CNTNAP1: variants seen among roughly 807,000 people sequenced by gnomAD.
CNTNAP1 encodes contactin associated protein 1.
In CNTNAP1, 80 loss-of-function variants were observed where a neutral mutation model predicts 161.5. The ratio of observed to expected loss-of-function variants is 0.50; its 90% CI spans 0.41 to 0.60. CNTNAP1 has a LOEUF of 0.60. CNTNAP1 is among the 20% of genes least tolerant of loss of function. CNTNAP1 has a pLI of 0.00. For missense variants in CNTNAP1, 1,464 were observed against 1,854.8 expected (o/e 0.79, Z 3.87); for synonymous variants, 695 against 733.1 (o/e 0.95, Z 0.84).
Position 42,685,550 on chromosome 17 carries a change from C to T in CNTNAP1, c.715+130C>T, listed in dbSNP as rs901374464. The T allele has an allele frequency of 4.4e-5, 38 of 854,002 alleles. No individual in the cohort carries two copies. Among genetic ancestry groups the T allele is most frequent in the Non-Finnish European group, 6.4e-5 (36 of 561,726 alleles). 52.9% of individuals were successfully genotyped at this position (854,002 alleles called of 1,614,324 possible). A position where few individuals can be genotyped will look rare whatever the true frequency, so the allele number is the denominator to read the frequency against. ...CTTCTCTAAGGCCTGGACCAAACTG[C>T]CCCTTTCTTGTAGCATTTGGTGCTA... On this transcript the variant is annotated intron_variant, in intron 5 of 23. Coordinates refer to ENST00000264638, the MANE Select transcript of CNTNAP1 (RefSeq NM_003632.3). The surrounding 1 kb of genome is among the most constrained non-coding windows in gnomAD (Gnocchi z 5.0).
chr17:42,683,754 GT>G, intron 1 of CNTNAP1, 66 bp from the exon 2 acceptor site: 1 of 1,550,074 alleles, frequency 6.5e-7, no homozygotes, highest in Non-Finnish European at 8.7e-7. Flanking sequence ...CGGTCGCTAA[GT>G]GGGCCGGCCT....
chr17:42,683,452 G>T (rs1597802664), intron 1 of CNTNAP1: 3 of 1,111,954 alleles, frequency 2.7e-6, no homozygotes, highest in Non-Finnish European at 3.3e-6. Context: ...GGGCCGAGTT[G>T]GATTGAGGCT....
At chr17:42,683,577 G>T in intron 1 of CNTNAP1, 1 of 1,378,236 alleles carries the variant, frequency 7.3e-7, no homozygotes, top group South Asian at 1.7e-5. Flanking sequence ...AGCTAGGGAG[G>T]GTCTGGCCTT....
At position 42,692,575 on chromosome 17, in the gene CNTNAP1, G is replaced by A. The variant is rs1287398765; in HGVS notation, c.2607G>A (p.Glu869=). The change falls in exon 17 of 24, where the codon GAG becomes GAA. Residue 869 remains glutamate (E), a synonymous_variant. Coordinates refer to ENST00000264638, the MANE Select transcript of CNTNAP1 (RefSeq NM_003632.3). ...ENLTVHSDDF[E]FNDDEWHLVR... is the part of the protein sequence containing the mutation. ...TCACAGTACACTCAGACGACTTTGAGTTCAATGATGACGAGTGGCACCTGG... is the reference window on the plus strand; with the variant it reads ...TCACAGTACACTCAGACGACTTTGAATTCAATGATGACGAGTGGCACCTGG... 1 of 1,614,102 alleles carries A rather than the reference G, an allele frequency of 6.2e-7. No homozygotes were observed. The highest frequency in any genetic ancestry group is 8.5e-7 in the Non-Finnish European group (1 of 1,180,052).
Position 42,693,541 on chromosome 17 carries a change from G to T in CNTNAP1, c.2992+5G>T. On this transcript the variant is annotated splice_donor_5th_base_variant and intron_variant, in intron 18 of 23. Coordinates refer to ENST00000264638, the MANE Select transcript of CNTNAP1 (RefSeq NM_003632.3). ...ATGGGCCATACTGCAACCACGGTAA[G>T]TGCTGCTGGTTATGGGGCAACAGGG... The T allele has an allele frequency of 1.2e-6, 2 of 1,611,042 alleles. No individual in the cohort carries two copies. The highest frequency in any genetic ancestry group is 8.5e-7 in the Non-Finnish European group (1 of 1,177,318).
chr17:42,696,786 G>A (rs2053157899), intron 20 of CNTNAP1, among the ~76,000 whole-genome samples: 1 of 152,158 alleles, frequency 6.6e-6, no homozygotes, highest in South Asian at 2.1e-4. Context: ...AGGCCTAGGC[G>A]ACAGAGTGAG....
chr17:42,688,302 G>T (rs2053043746), intron 8 of CNTNAP1, among the ~76,000 whole-genome samples, 160 bp from the exon 9 acceptor site: 1 of 152,172 alleles, frequency 6.6e-6, no homozygotes, highest in African/African-American at 2.4e-5. Flanking sequence ...GGATAATGAA[G>T]AGACATTCAG....
At chr17:42,694,887 A>C (rs2053133870) in intron 18 of CNTNAP1, among the ~76,000 whole-genome samples, 1 of 151,990 alleles carries the variant, frequency 6.6e-6, no homozygotes, top group African/African-American at 2.4e-5. Flanking sequence ...GTGGGGGACT[A>C]GGGAGATACA....
Position 42,686,913 on chromosome 17 carries a change from G to C in CNTNAP1, c.911G>C (p.Gly304Ala). 6.2e-7 allele frequency: 1 copy of C among 1,606,790 alleles called. No homozygotes were observed. The highest frequency in any genetic ancestry group is 8.5e-7 in the Non-Finnish European group (1 of 1,174,408). Residue 304 changes from glycine (G) to alanine (A), a missense_variant, in exon 7 of 24, where the codon GGA (glycine) becomes GCA (alanine). By Grantham distance (60) the Gly-to-Ala change is moderately conservative. Transcript: ENST00000264638. The part of the protein sequence containing the change: ...RLNLDTEMFI[G>A]GLVGAARKNL... ...CCACGCCTCCCGCAGATGTTCATCG[G>C]AGGTCTGGTGGGCGCCGCGCGGAAG...
Position 42,693,403 on chromosome 17 carries a change from C to T in CNTNAP1, c.2859C>T (p.Thr953=), listed in dbSNP as rs775715624. The T allele has an allele frequency of 1.2e-6, 2 of 1,614,216 alleles. No homozygotes were observed. Among genetic ancestry groups the T allele is most frequent in the Non-Finnish European group, 1.7e-6 (2 of 1,180,040 alleles). ...GCCGTGCCAATGCCTCTGAGGGTAC[C>T]TCACCCAACTGCACAGGCCACTGTG... ...LEGRANASEG[T]SPNCTGHCAH... is the part of the protein sequence containing the mutation. Residue 953 remains threonine, a synonymous_variant, in exon 18 of 24, where the codon ACC becomes ACT. Coordinates refer to ENST00000264638, the MANE Select transcript of CNTNAP1 (RefSeq NM_003632.3).
rs1356694509 is a variant in CNTNAP1, at chr17:42,690,144, T to C, written c.1792T>C (p.Phe598Leu). ...GCTCAGTGGGAAAACTTCTGGAAAC[T>C]TCACCATTGATCCTGATGGCAGTGG... ...YRLSGKTSGNFTIDPDGSGPL... is the reference protein window; with the variant it reads ...YRLSGKTSGNLTIDPDGSGPL... Residue 598 changes from phenylalanine to leucine, a missense_variant, in exon 12 of 24, where the codon TTC (phenylalanine) becomes CTC (leucine). Phe to Leu is a conservative substitution (Grantham distance 22, BLOSUM62 0). Around this residue, in one of 3 missense-constraint regions of CNTNAP1, gnomAD observed 1,383 missense variants for 1,765.0 expected, o/e 0.78. Transcript: ENST00000264638. The C allele has an allele frequency of 2.5e-6, 4 of 1,614,084 alleles. No individual in the cohort carries two copies. The South Asian group carries it at 4.4e-5, about 18-fold the overall frequency.
Position 42,692,557 on chromosome 17 carries a change from A to G in CNTNAP1, c.2589A>G (p.Val863=), listed in dbSNP as rs773995012. The G allele has an allele frequency of 1.2e-6, 2 of 1,614,092 alleles. No homozygotes were observed. Among genetic ancestry groups the G allele is most frequent in the Non-Finnish European group, 1.7e-6 (2 of 1,180,048 alleles). The part of the protein sequence containing the change: ...DVGNGDENLT[V]HSDDFEFNDD... ...GGAATGGGGATGAGAACCTCACAGT[A>G]CACTCAGACGACTTTGAGTTCAATG... Residue 863 remains valine (V), a synonymous_variant, in exon 17 of 24, where the codon GTA becomes GTG. Coordinates refer to ENST00000264638, the MANE Select transcript of CNTNAP1 (RefSeq NM_003632.3).
At position 42,690,885 on chromosome 17, in the gene CNTNAP1, C is replaced by A. The variant is rs766626800; in HGVS notation, c.2002C>A (p.His668Asn). 4 of 1,614,250 alleles carry A rather than the reference C, an allele frequency of 2.5e-6. No individual in the cohort carries two copies. In the South Asian group the frequency reaches 4.4e-5, roughly 18 times the overall value. Residue 668 changes from histidine (H) to asparagine (N), a missense_variant, in exon 13 of 24, where the codon CAT (histidine) becomes AAT (asparagine). His to Asn is a moderately conservative substitution (Grantham distance 68, BLOSUM62 1). Transcript: ENST00000264638. ...CAGTGCCCTTGCCAATGCTTCCCAGCATTGTGAACAGTGGATCGAGTTCTC... is the reference window on the plus strand; with the variant it reads ...CAGTGCCCTTGCCAATGCTTCCCAGAATTGTGAACAGTGGATCGAGTTCTC... ...EVSALANASQ[H>N]CEQWIEFSCY...
At position 42,698,532 on chromosome 17, in the gene CNTNAP1, TGC is replaced by T. The variant is rs1217648281; in HGVS notation, c.3863-84_3863-83del. 3.9e-5 allele frequency: 43 copies of T among 1,100,140 alleles called. No individual in the cohort carries two copies. The South Asian group carries it at 4.6e-4, about 12-fold the overall frequency. 68.1% of individuals were successfully genotyped at this position (1,100,140 alleles called of 1,614,324 possible). On this transcript the variant is annotated intron_variant, in intron 23 of 23. Coordinates refer to ENST00000264638, the MANE Select transcript of CNTNAP1 (RefSeq NM_003632.3). ...TGTATACAGGTGAAATCTCAAAGAG[TGC>T]GTGTGTGTGTGTGTGTGTGTGTGTG...
intron 23 of CNTNAP1, among the ~76,000 whole-genome samples, chr17:42,698,340 G>A (rs913579476): frequency 2.0e-5 from 3 of 152,150 alleles, no homozygotes; most frequent in African/African-American, 7.2e-5. Flanking sequence ...ACAGAAGGTG[G>A]CAGGGGGTAA....
intron 12 of CNTNAP1, 30 bp from the exon 13 acceptor site, chr17:42,690,709 G>A (rs760349645): frequency 2.5e-6 from 4 of 1,604,100 alleles, no homozygotes; most frequent in African/African-American, 2.7e-5. Context: ...CCCAACTCCA[G>A]CCAAAGCTCT....
rs781303588 is a variant in CNTNAP1, at chr17:42,691,977, G to A, written c.2516G>A (p.Arg839Gln). 8 of 1,614,036 alleles carry A rather than the reference G, an allele frequency of 5.0e-6. No individual in the cohort carries two copies. Among genetic ancestry groups the A allele is most frequent in the South Asian group, 2.2e-5 (2 of 91,080 alleles). ...PYCQWRRPYV[R>Q]VELNTSRDVV... is the part of the protein sequence containing the mutation. Reference sequence around the variant, plus strand: ...TGCCAGTGGCGCCGACCTTATGTGCGGGTGGAACTCAACAGTGAGCAGGCA... The same window carrying A: ...TGCCAGTGGCGCCGACCTTATGTGCAGGTGGAACTCAACAGTGAGCAGGCA... Residue 839 changes from arginine to glutamine, a missense_variant, in exon 16 of 24, where the codon CGG (arginine) becomes CAG (glutamine). Arg to Gln is a conservative substitution (Grantham distance 43, BLOSUM62 1). Around this residue, in one of 3 missense-constraint regions of CNTNAP1, gnomAD observed 1,383 missense variants for 1,765.0 expected, o/e 0.78. Transcript: ENST00000264638. The surrounding 1 kb of genome is among the most constrained non-coding windows in gnomAD (Gnocchi z 4.3).
intron 18 of CNTNAP1, 69 bp downstream of exon 18, chr17:42,693,605 G>A: frequency 1.3e-6 from 2 of 1,574,132 alleles, no homozygotes; most frequent in Admixed American, 3.5e-5. Flanking sequence ...GGGCAGGGAA[G>A]GAAATAGCAT....
Position 42,691,612 on chromosome 17 carries a change from C to T in CNTNAP1, c.2344+101C>T, listed in dbSNP as rs1031699147. 3 of 1,508,242 alleles carry T rather than the reference C, an allele frequency of 2.0e-6. No homozygotes were observed. The highest frequency in any genetic ancestry group is 2.7e-6 in the Non-Finnish European group (3 of 1,105,200). The allele number at this position is 1,508,242 out of a possible 1,614,324, so 93.4% of individuals were successfully genotyped here. ...GGTGGTCTCTAGCTGGGGTGCCCGA[C>T]CCCCAGCTCCTGCTGTGATGCGATC... On this transcript the variant is annotated intron_variant, in intron 15 of 23. Coordinates refer to ENST00000264638, the MANE Select transcript of CNTNAP1 (RefSeq NM_003632.3). This position sits in a 1 kb window ranked among gnomAD's most constrained non-coding sequence, Gnocchi z 4.3.
Sources: allele counts gnomAD v4.1 joint callset (sites outside exome capture counted in the v4.1 genomes callset), GRCh38; gene constraint gnomAD v4.1.1; regional missense constraint gnomAD v4.1.1; non-coding constraint Gnocchi (gnomAD v3.1); transcripts MANE v1.5; gene names NCBI Gene and HGNC (gene_info 2026-07-23, HGNC 2026-07-21).